The following PUM2 variants were observed in gnomAD, a reference collection of about 807,000 sequenced individuals.
The protein encoded by PUM2 is pumilio homolog 2.
Under a neutral mutation model 124.5 loss-of-function variants are expected in PUM2, and 57 were observed. The ratio of observed to expected loss-of-function variants is 0.46; its 90% CI spans 0.37 to 0.57. PUM2 has a LOEUF of 0.57. Among genes scored for constraint, PUM2 ranks in the 20% least tolerant of loss-of-function variants. PUM2 has a pLI of 0.00. For missense variants in PUM2, 1,065 were observed against 1,290.6 expected (o/e 0.83, Z 2.68); for synonymous variants, 460 against 446.1 (o/e 1.03, Z -0.39).
At chr2:20,319,219 T>C (rs1473399224) in intron 2 of PUM2, among the ~76,000 whole-genome samples, 2 of 152,212 alleles carry the variant, frequency 1.3e-5, no homozygotes, top group Admixed American at 6.5e-5. Context: ...TACTGTGACA[T>C]GCATAGCACA....
chr2:20,320,944 G>GA (rs1420413514), intron 2 of PUM2, among the ~76,000 whole-genome samples: 2 of 152,072 alleles, frequency 1.3e-5, no homozygotes, highest in Non-Finnish European at 2.9e-5. Context: ...CATACTTCAT[G>GA]AAGAAAAAAG....
In PUM2 at chr2:20,263,445, C is replaced by T. The variant is rs765863535; in HGVS notation, c.1973G>A (p.Gly658Asp). ...SSLHLGGLTN[G>D]SGRYISAAPG... The stretch of plus-strand genomic sequence containing the variant: ...TGCTGCAGAGATATATCGACCACTA[C>T]CATTTGTCAGTCCTCCTACAACAAA... Residue 658 changes from glycine (G) to aspartate (D), a missense_variant, in exon 14 of 21, where the codon GGT becomes GAT. Physicochemically the swap from Gly to Asp is moderately conservative, Grantham distance 94. This residue lies in a region of PUM2 where 968 missense variants were observed against 1,159.8 expected (regional missense o/e 0.83). Transcript: ENST00000361078. The T allele has an allele frequency of 6.2e-7, 1 of 1,610,516 alleles. No individual in the cohort carries two copies. Among genetic ancestry groups the T allele is most frequent in the East Asian group, 2.2e-5 (1 of 44,778 alleles).
At chr2:20,288,186 C>T (rs1375102627) in intron 10 of PUM2, among the ~76,000 whole-genome samples, 1 of 152,144 alleles carries the variant, frequency 6.6e-6, no homozygotes, top group Non-Finnish European at 1.5e-5. Flanking sequence ...CTGAAGAAGG[C>T]AGCCATTAAG....
chr2:20,301,347 T>TA (rs1231549940), intron 7 of PUM2, among the ~76,000 whole-genome samples: 3 of 152,128 alleles, frequency 2.0e-5, no homozygotes, highest in African/African-American at 4.8e-5. Flanking sequence ...CTTATACCAC[T>TA]AAAAAATCTA....
intron 3 of PUM2, among the ~76,000 whole-genome samples, chr2:20,315,553 A>C (rs1202814555): frequency 6.6e-6 from 1 of 152,170 alleles, no homozygotes; most frequent in Admixed American, 6.5e-5. Flanking sequence ...TTGGGAGATG[A>C]GTGGTACAAA....
At position 20,318,638 on chromosome 2, in the gene PUM2, G is replaced by C; in HGVS notation, c.59C>G (p.Pro20Arg). 1 of 1,610,428 alleles carries C rather than the reference G, an allele frequency of 6.2e-7. No individual in the cohort carries two copies. The highest frequency in any genetic ancestry group is 8.5e-7 in the Non-Finnish European group (1 of 1,177,930). ...LESRGMGELL[P>R]TKKFWEPDDS... ...ATCAGGTTCCCAAAACTTTTTGGTAGGCAAAAGCTATTTGGAGGAAAAATT... is the reference window on the plus strand; with the variant it reads ...ATCAGGTTCCCAAAACTTTTTGGTACGCAAAAGCTATTTGGAGGAAAAATT... Residue 20 changes from proline (P) to arginine (R), a missense_variant, in exon 3 of 21, where the codon CCT becomes CGT. Pro to Arg is a moderately radical substitution (Grantham distance 103). This residue lies in a region of PUM2 where 90 missense variants were observed against 103.6 expected (regional missense o/e 0.87). Transcript: ENST00000361078.
At chr2:20,312,444 A>T in intron 3 of PUM2, 21 bp from the exon 4 acceptor site, 3 of 1,588,430 alleles carry the variant, frequency 1.9e-6, no homozygotes, top group Non-Finnish European at 2.6e-6. Context: ...GAAAAAACAC[A>T]ATTATATACT....
rs764366674 is a variant in PUM2, at chr2:20,251,541, C to A, written c.*44G>T. On this transcript the variant is annotated 3_prime_UTR_variant, in exon 21 of 21. Coordinates refer to ENST00000361078, the MANE Select transcript of PUM2 (RefSeq NM_015317.5). ...TTGATAATTCACACACAAAAAAATT[C>A]TTTTCACATGGTTAAATTATCTTCT... The A allele has an allele frequency of 5.8e-6, 9 of 1,560,542 alleles. No homozygotes were observed. The highest frequency in any genetic ancestry group is 1.7e-4 in the Middle Eastern group (1 of 5,846).
intron 16 of PUM2, among the ~76,000 whole-genome samples, chr2:20,257,951 T>C (rs1665216596): frequency 6.6e-6 from 1 of 152,112 alleles, no homozygotes; most frequent in Admixed American, 6.6e-5. Flanking sequence ...CACTGGAAAA[T>C]AGTAACATGC....
At chr2:20,257,043 C>CAAAAAAAAAAAAA (rs58072146) in intron 16 of PUM2, among the ~76,000 whole-genome samples, 12 of 71,798 alleles carry the variant, frequency 1.7e-4, no homozygotes, top group Non-Finnish European at 2.0e-4. Context: ...GATTCCGTCT[C>CAAAAAAAAAAAAA]AAAAAAAAAA....
chr2:20,281,132 C>T (rs761782213), intron 12 of PUM2, among the ~76,000 whole-genome samples: 1 of 152,112 alleles, frequency 6.6e-6, no homozygotes, highest in Non-Finnish European at 1.5e-5. Context: ...AAAACTCCCA[C>T]AAAATGCCCA....
chr2:20,266,400 G>A (rs1667654131), intron 13 of PUM2, among the ~76,000 whole-genome samples: 1 of 150,638 alleles, frequency 6.6e-6, no homozygotes, highest in African/African-American at 2.4e-5. Flanking sequence ...AGATGAGATT[G>A]TGCCACTGCA....
chr2:20,264,357 AAAAAAAAAAAATATATATATATATAT>A (rs1349475635), intron 13 of PUM2, among the ~76,000 whole-genome samples: 1 of 71,224 alleles, frequency 1.4e-5, no homozygotes, highest in African/African-American at 5.7e-5. Context: ...AAAAAAAAAA[AAAAAAAAAAAATATATATATATATAT>A]ATATATATAT....
intron 20 of PUM2, 97 bp from the exon 21 acceptor site, chr2:20,251,813 T>A (rs938886874): frequency 2.1e-6 from 3 of 1,406,010 alleles, no homozygotes; most frequent in African/African-American, 2.9e-5. Context: ...GAGGAATAAC[T>A]GCAATTAAAA....
At chr2:20,265,248 A>AC (rs892537798) in intron 13 of PUM2, among the ~76,000 whole-genome samples, 6 of 147,434 alleles carry the variant, frequency 4.1e-5, no homozygotes, top group Non-Finnish European at 8.9e-5. Context: ...CGAAACCGTC[A>AC]CAAAAAAAAA....
chr2:20,306,002 C>T (rs933399032), intron 7 of PUM2, among the ~76,000 whole-genome samples: 1 of 152,162 alleles, frequency 6.6e-6, no homozygotes, highest in Non-Finnish European at 1.5e-5. Context: ...GGGTGGATCA[C>T]TTGAGCTCAG....
chr2:20,255,969 G>A (rs1234331500), intron 17 of PUM2, 64 bp downstream of exon 17: 12 of 1,424,994 alleles, frequency 8.4e-6, no homozygotes, highest in Non-Finnish European at 1.1e-5. Flanking sequence ...TGAAAAACGT[G>A]TTGATATTCA....
intron 1 of PUM2, among the ~76,000 whole-genome samples, chr2:20,330,387 G>A (rs1294522424): frequency 1.3e-5 from 2 of 152,210 alleles, no homozygotes; most frequent in Non-Finnish European, 2.9e-5. Flanking sequence ...CTGGTTGCCA[G>A]GGGAACCATC....
chr2:20,278,526 C>A, intron 13 of PUM2, 57 bp downstream of exon 13: 1 of 1,365,494 alleles, frequency 7.3e-7, no homozygotes, highest in Non-Finnish European at 1.0e-6. Context: ...TAAACACACA[C>A]ACAAACACAC....
Sources: allele counts gnomAD v4.1 joint callset (sites outside exome capture counted in the v4.1 genomes callset), GRCh38; gene constraint gnomAD v4.1.1; regional missense constraint gnomAD v4.1.1; transcripts MANE v1.5; gene names NCBI Gene and HGNC (gene_info 2026-07-23, HGNC 2026-07-21).